Variants in SLC24A2 observed in about 807,000 individuals in gnomAD.
SLC24A2 encodes solute carrier family 24 member 2.
SLC24A2 carries 36 observed loss-of-function variants against 62.0 expected under a neutral mutation model. The ratio of observed to expected loss-of-function variants is 0.58; its 90% CI spans 0.44 to 0.77. SLC24A2 has a LOEUF of 0.77. SLC24A2 is among the 30% of genes least tolerant of loss of function. The probability of loss-of-function intolerance (pLI) is 0.00; values close to 1 mark genes in which losing one functional copy is unlikely to be tolerated. For synonymous variants in SLC24A2, 358 were observed against 294.0 expected (o/e 1.22, Z -2.23); for missense variants, 846 against 817.9 (o/e 1.03, Z -0.42).
intron 2 of SLC24A2, among the ~76,000 whole-genome samples, chr9:19,721,517 A>G (rs1267599558): frequency 6.6e-6 from 1 of 152,166 alleles, no homozygotes; most frequent in East Asian, 1.9e-4. Flanking sequence ...CTTTTTCACA[A>G]TGAAGTTTTA....
the SLC24A2 span, among the ~76,000 whole-genome samples, chr9:19,882,762 G>T: frequency 6.6e-6 from 1 of 151,784 alleles, no homozygotes; most frequent in Non-Finnish European, 1.5e-5. Context: ...ACAGGTTAGA[G>T]AATTTAGCTC....
In SLC24A2 at chr9:19,555,128, A is replaced by G. The variant is rs774788450; in HGVS notation, c.1348-4860T>C. ...AGTCATGCACCCACTTCACATCACA[A>G]TATGTTCTTTCTCACAGGGATAATC... On this transcript the variant is annotated intron_variant, in intron 7 of 10. Transcript: ENST00000341998. Among the ~76,000 whole-genome samples, 47 of 152,234 alleles carry G rather than the reference A, an allele frequency of 3.1e-4. 1 individual carries two copies. Among genetic ancestry groups the G allele is most frequent in the Admixed American group, 5.9e-4 (9 of 15,294 alleles).
At chr9:20,169,425 T>C in the SLC24A2 span, among the ~76,000 whole-genome samples, 1 of 151,974 alleles carries the variant, frequency 6.6e-6, no homozygotes, top group Non-Finnish European at 1.5e-5. Context: ...AGGAAGTGGA[T>C]TGCTCCTGCA....
At chr9:20,006,123 GTTAA>G in the SLC24A2 span, among the ~76,000 whole-genome samples, 9 of 151,342 alleles carry the variant, frequency 5.9e-5, no homozygotes, top group Admixed American at 5.3e-4. Context: ...CACATAGTAT[GTTAA>G]TTAATCAAGA....
the SLC24A2 span, among the ~76,000 whole-genome samples, chr9:20,040,509 T>G: frequency 6.6e-6 from 1 of 152,214 alleles, no homozygotes; most frequent in Non-Finnish European, 1.5e-5. Flanking sequence ...TCTATCCCAA[T>G]GTGCGTCACC....
At chr9:19,963,959 G>C in the SLC24A2 span, among the ~76,000 whole-genome samples, 2 of 151,970 alleles carry the variant, frequency 1.3e-5, no homozygotes, top group African/African-American at 4.8e-5. Flanking sequence ...GCAAAGACTT[G>C]GAATCCACCC....
the SLC24A2 span, among the ~76,000 whole-genome samples, chr9:20,164,729 C>T: frequency 6.8e-4 from 103 of 151,896 alleles, no homozygotes; most frequent in African/African-American, 2.1e-3. Flanking sequence ...GACTTGGAAC[C>T]CACCCAAATG....
At chr9:20,253,601 C>A in the SLC24A2 span, among the ~76,000 whole-genome samples, 2 of 152,148 alleles carry the variant, frequency 1.3e-5, no homozygotes, top group Admixed American at 1.3e-4. Context: ...CTACTCTGAA[C>A]CAGTTAATTC....
intron 5 of SLC24A2, among the ~76,000 whole-genome samples, chr9:19,582,696 T>C (rs79650707): frequency 6.6e-6 from 1 of 152,136 alleles, no homozygotes; most frequent in African/African-American, 2.4e-5. Context: ...TCCTTTTTTT[T>C]CTGGAAGCAG....
chr9:19,551,163 C>T (rs763969137), intron 7 of SLC24A2, among the ~76,000 whole-genome samples: 20 of 152,186 alleles, frequency 1.3e-4, no homozygotes, highest in Non-Finnish European at 2.2e-4. Flanking sequence ...GTGAGTTGGT[C>T]ACCTGCTTAA....
the SLC24A2 span, among the ~76,000 whole-genome samples, chr9:20,229,776 A>C: frequency 8.5e-4 from 129 of 152,018 alleles, 1 homozygote; most frequent in African/African-American, 3.1e-3. Flanking sequence ...GTACCTGTGC[A>C]CAACGTGCAG....
chr9:19,639,043 G>GAA (rs960299666), intron 2 of SLC24A2, among the ~76,000 whole-genome samples: 1 of 152,138 alleles, frequency 6.6e-6, no homozygotes, highest in African/African-American at 2.4e-5. Flanking sequence ...TCCCAGATGG[G>GAA]AACATAATCT....
chr9:20,250,993 T>G, the SLC24A2 span, among the ~76,000 whole-genome samples: 1 of 152,134 alleles, frequency 6.6e-6, no homozygotes, highest in Non-Finnish European at 1.5e-5. Context: ...CTACTCAAAA[T>G]AGGCAAGGCG....
chr9:19,937,105 T>A, the SLC24A2 span, among the ~76,000 whole-genome samples: 1 of 152,208 alleles, frequency 6.6e-6, no homozygotes, highest in African/African-American at 2.4e-5. Flanking sequence ...CATACCGCAT[T>A]GATTCACACA....
chr9:19,898,960 T>C, the SLC24A2 span, among the ~76,000 whole-genome samples: 3 of 152,064 alleles, frequency 2.0e-5, no homozygotes, highest in Non-Finnish European at 4.4e-5. Flanking sequence ...CAAACTATAC[T>C]ATGGGTCTGT....
At chr9:20,093,418 T>C in the SLC24A2 span, among the ~76,000 whole-genome samples, 1 of 152,002 alleles carries the variant, frequency 6.6e-6, no homozygotes, top group Non-Finnish European at 1.5e-5. Context: ...CTTTTTATCT[T>C]TTTTGAGTTA....
At chr9:20,125,868 A>G in the SLC24A2 span, among the ~76,000 whole-genome samples, 82 of 152,292 alleles carry the variant, frequency 5.4e-4, no homozygotes, top group African/African-American at 1.9e-3. Flanking sequence ...TGCTGAGTTC[A>G]ATTACTCACA....
rs60849714 is a variant in SLC24A2, at chr9:19,513,176, GTATATA to G, written c.*2971_*2976del. 1 of 66,982 alleles carries G rather than the reference GTATATA, an allele frequency of 1.5e-5. No individual in the cohort carries two copies. Among genetic ancestry groups the G allele is most frequent in the East Asian group, 4.9e-4 (1 of 2,024 alleles). The allele number at this position is 66,982 out of a possible 1,614,324, so 4.1% of individuals were successfully genotyped here. On this transcript the variant is annotated 3_prime_UTR_variant, in exon 11 of 11. Coordinates refer to ENST00000341998, the MANE Select transcript of SLC24A2 (RefSeq NM_020344.4). ...AAGATATATATATATATATATATAT[GTATATA>G]TATATATATGTATATATTTATATAT...
intron 3 of SLC24A2, 25 bp from the exon 4 acceptor site, chr9:19,619,717 G>C (rs1817862814): frequency 6.4e-7 from 1 of 1,550,480 alleles, no homozygotes; most frequent in African/African-American, 1.4e-5. Context: ...CAAAGAGATG[G>C]TTAGTCTCAG....
Sources: allele counts gnomAD v4.1 joint callset (sites outside exome capture counted in the v4.1 genomes callset), GRCh38; gene constraint gnomAD v4.1.1; transcripts MANE v1.5; gene names NCBI Gene and HGNC (gene_info 2026-07-23, HGNC 2026-07-21).